The following USP14 variants were observed in gnomAD, a reference collection of about 807,000 sequenced individuals.
USP14 encodes the protein ubiquitin specific peptidase 14.
USP14 carries 38 observed loss-of-function variants against 76.5 expected under a neutral mutation model. That is an observed-to-expected ratio of 0.50 (90% confidence interval 0.38 to 0.65). The LOEUF is 0.65. Among genes scored for constraint, USP14 ranks in the 30% least tolerant of loss-of-function variants. The pLI, the probability that USP14 is intolerant of heterozygous loss-of-function variation, is 0.00. For missense variants in USP14, 467 were observed against 586.5 expected (o/e 0.80, Z 2.10); for synonymous variants, 192 against 191.7 (o/e 1.00, Z -0.01).
chr18:210,549 T>C (rs1194117120), intron 15 of USP14, 56 bp downstream of exon 15: 2 of 1,313,020 alleles, frequency 1.5e-6, no homozygotes, highest in Non-Finnish European at 2.1e-6. Context: ...TCATTTATTA[T>C]AAATTTTATA....
Position 211,403 on chromosome 18 carries a change from CAA to C in USP14, c.*122_*123del, listed in dbSNP as rs1910666092. 9.2e-7 allele frequency: 1 copy of C among 1,082,220 alleles called. No individual in the cohort carries two copies. Among genetic ancestry groups the C allele is most frequent in the Non-Finnish European group, 1.3e-6 (1 of 775,050 alleles). The allele number at this position is 1,082,220 out of a possible 1,614,324, so 67.0% of individuals were successfully genotyped here. A position where few individuals can be genotyped will look rare whatever the true frequency, so the allele number is the denominator to read the frequency against. On this transcript the variant is annotated 3_prime_UTR_variant, in exon 16 of 16. Transcript: ENST00000261601. The stretch of plus-strand genomic sequence containing the variant: ...GGTTTATGTTTCACCTCATTTGGAA[CAA>C]AAGAGGACAGAAGCAGACCACTCTG...
intron 5 of USP14, among the ~76,000 whole-genome samples, chr18:188,042 T>G (rs1909980925): frequency 6.6e-6 from 1 of 152,210 alleles, no homozygotes; most frequent in African/African-American, 2.4e-5. Flanking sequence ...GCTAGAACTT[T>G]TAACACAATG....
chr18:158,634 C>T lies in USP14; in HGVS notation c.-65C>T. 2 of 1,498,836 alleles carry T rather than the reference C, an allele frequency of 1.3e-6. No homozygotes were observed. The highest frequency in any genetic ancestry group is 1.8e-6 in the Non-Finnish European group (2 of 1,124,668). The allele number at this position is 1,498,836 out of a possible 1,614,324, so 92.8% of individuals were successfully genotyped here. A position where few individuals can be genotyped will look rare whatever the true frequency, so the allele number is the denominator to read the frequency against. On this transcript the variant is annotated 5_prime_UTR_variant, in exon 1 of 16. Transcript: ENST00000261601. The stretch of plus-strand genomic sequence containing the variant: ...CCGCCGCCGCAGCTGCTCCTGGTCC[C>T]CGTCCCTTTGCCGCCCTCGTCAGGC...
At chr18:159,984 A>G (rs1387027970) in intron 1 of USP14, among the ~76,000 whole-genome samples, 3 of 152,236 alleles carry the variant, frequency 2.0e-5, no homozygotes, top group African/African-American at 2.4e-5. Flanking sequence ...CATTTTAAGT[A>G]CTATTTCATA....
At chr18:197,790 C>A in intron 8 of USP14, 94 bp downstream of exon 8, 1 of 964,650 alleles carries the variant, frequency 1.0e-6, no homozygotes. Context: ...TAAGTTCCAT[C>A]TTATAGGTAG....
chr18:165,073 C>T (rs994127978), intron 2 of USP14, among the ~76,000 whole-genome samples: 29 of 152,146 alleles, frequency 1.9e-4, no homozygotes, highest in African/African-American at 5.8e-4. Context: ...CTCAGTCTCC[C>T]GAATAGCTGG....
intron 3 of USP14, among the ~76,000 whole-genome samples, chr18:171,647 T>C (rs1909467399): frequency 6.6e-6 from 1 of 152,224 alleles, no homozygotes; most frequent in Non-Finnish European, 1.5e-5. Context: ...ACAACTATTC[T>C]GCAGCCCATG....
At chr18:167,105 T>G (rs1909293478) in intron 3 of USP14, among the ~76,000 whole-genome samples, 1 of 151,732 alleles carries the variant, frequency 6.6e-6, no homozygotes, top group African/African-American at 2.4e-5. Context: ...AAAAATTAGC[T>G]GGGTGTGGTG....
At chr18:174,837 G>A (rs1309966395) in intron 3 of USP14, among the ~76,000 whole-genome samples, 3 of 151,978 alleles carry the variant, frequency 2.0e-5, no homozygotes, top group African/African-American at 7.2e-5. Flanking sequence ...GTGCAGTGAC[G>A]TGATCATGGC....
intron 4 of USP14, among the ~76,000 whole-genome samples, chr18:179,763 A>G (rs1344066902): frequency 6.6e-6 from 1 of 150,938 alleles, no homozygotes; most frequent in Non-Finnish European, 1.5e-5. Flanking sequence ...AATAAAAAAA[A>G]AAATTTTTTT....
chr18:169,823 C>G (rs144221246), intron 3 of USP14, among the ~76,000 whole-genome samples: 22 of 152,182 alleles, frequency 1.4e-4, no homozygotes, highest in East Asian at 1.2e-3. Flanking sequence ...ACTCTCATGT[C>G]AAGTATGTTG....
At chr18:165,633 A>G (rs1050343350) in intron 2 of USP14, among the ~76,000 whole-genome samples, 1 of 152,194 alleles carries the variant, frequency 6.6e-6, no homozygotes, top group African/African-American at 2.4e-5. Context: ...AAATTTTATA[A>G]ATGAGTGTCA....
intron 5 of USP14, among the ~76,000 whole-genome samples, chr18:185,703 T>C (rs959657918): frequency 1.3e-5 from 2 of 152,008 alleles, no homozygotes; most frequent in African/African-American, 2.4e-5. Flanking sequence ...TTTTAAATTA[T>C]TTTTTATTTT....
At chr18:180,795 C>T (rs112362155) in intron 5 of USP14, among the ~76,000 whole-genome samples, 31 of 134,810 alleles carry the variant, frequency 2.3e-4, no homozygotes, top group East Asian at 4.4e-4. Context: ...TCATGGTTCA[C>T]TCACGTTACA....
intron 6 of USP14, among the ~76,000 whole-genome samples, chr18:193,721 G>A (rs941811927): frequency 2.6e-5 from 4 of 152,076 alleles, no homozygotes; most frequent in African/African-American, 9.7e-5. Context: ...CTTTCACTTA[G>A]TATAATGTTT....
chr18:214,522 G>T lies in USP14; in HGVS notation c.*3238G>T. 1.1e-6 allele frequency: 1 copy of T among 925,088 alleles called. No individual in the cohort carries two copies. The highest frequency in any genetic ancestry group is 1.6e-6 in the Non-Finnish European group (1 of 622,762). 57.3% of individuals were successfully genotyped at this position (925,088 alleles called of 1,614,324 possible). On this transcript the variant is annotated 3_prime_UTR_variant, in exon 16 of 16. Coordinates refer to ENST00000261601, the MANE Select transcript of USP14 (RefSeq NM_005151.4). ...AGCACCAGCCGACTGTACAACAATT[G>T]TTATAAAAATGTTTATTGTTTACCA...
chr18:184,972 A>G (rs1249420554), intron 5 of USP14, among the ~76,000 whole-genome samples: 4 of 152,098 alleles, frequency 2.6e-5, no homozygotes, highest in South Asian at 4.1e-4. Flanking sequence ...TAGATTCTCA[A>G]TTTAGAACCT....
At chr18:171,792 T>C (rs1909472096) in intron 3 of USP14, among the ~76,000 whole-genome samples, 1 of 152,242 alleles carries the variant, frequency 6.6e-6, no homozygotes, top group East Asian at 1.9e-4. Flanking sequence ...GAATTCTTGA[T>C]ACCATTAGGA....
chr18:177,824 A>G (rs1448957714), intron 3 of USP14, among the ~76,000 whole-genome samples: 3 of 152,156 alleles, frequency 2.0e-5, no homozygotes, highest in Non-Finnish European at 2.9e-5. Context: ...TGTATTAAAT[A>G]AAAGTATTTA....
Sources: allele counts gnomAD v4.1 joint callset (sites outside exome capture counted in the v4.1 genomes callset), GRCh38; gene constraint gnomAD v4.1.1; transcripts MANE v1.5; gene names NCBI Gene and HGNC (gene_info 2026-07-23, HGNC 2026-07-21).